The following PRTG variants were observed in gnomAD, a reference collection of about 807,000 sequenced individuals.
PRTG encodes immunoglobulin superfamily, DCC subclass, member 5.
PRTG carries 67 observed loss-of-function variants against 122.5 expected under a neutral mutation model. The observed-to-expected ratio is 0.55, with a 90% confidence interval of 0.45 to 0.67. The LOEUF (loss-of-function observed/expected upper bound fraction) is 0.67, where lower values mean the gene tolerates loss of function less well. PRTG is among the 30% of genes least tolerant of loss of function. The pLI, the probability that PRTG is intolerant of heterozygous loss-of-function variation, is 0.00. For missense variants in PRTG, 1,435 were observed against 1,415.4 expected (o/e 1.01, Z -0.22); for synonymous variants, 554 against 501.1 (o/e 1.11, Z -1.41).
In PRTG at chr15:55,709,863, G is replaced by A. The variant is rs540240707; in HGVS notation, c.398-25932C>T. Among the ~76,000 whole-genome samples the A allele has an allele frequency of 2.6e-5, 4 of 152,262 alleles. No individual in the cohort carries two copies. In the South Asian group the frequency reaches 6.2e-4, roughly 24 times the overall value. Reference sequence around the variant, plus strand: ...GTTGCCTGGCGATGGGGAGGAGGGAGGGACTCCAAAAACCATTAAGAAACT... The same window carrying A: ...GTTGCCTGGCGATGGGGAGGAGGGAAGGACTCCAAAAACCATTAAGAAACT... On this transcript the variant is annotated intron_variant, in intron 2 of 19. Coordinates refer to ENST00000389286, the MANE Select transcript of PRTG (RefSeq NM_173814.6).
At chr15:55,683,673 G>T in intron 3 of PRTG, 114 bp downstream of exon 3, 1 of 789,686 alleles carries the variant, frequency 1.3e-6, no homozygotes, top group Non-Finnish European at 2.0e-6. Flanking sequence ...TAAGCAATCA[G>T]TTATTACTGC....
intron 11 of PRTG, among the ~76,000 whole-genome samples, chr15:55,653,548 C>G (rs1240416959): frequency 2.0e-5 from 3 of 151,944 alleles, no homozygotes; most frequent in African/African-American, 7.3e-5. Context: ...ACTGCAACCT[C>G]TGCCTCCTGA....
At position 55,629,021 on chromosome 15, in the gene PRTG, T is replaced by C; in HGVS notation, c.2624-17A>G. ...TTATTGCCCCTAGAAATACATCAAT[T>C]ACAAATTAAGTGAACATTTATCTTT... On this transcript the variant is annotated splice_polypyrimidine_tract_variant and intron_variant, in intron 15 of 19. Coordinates refer to ENST00000389286, the MANE Select transcript of PRTG (RefSeq NM_173814.6). The C allele has an allele frequency of 8.4e-6, 13 of 1,550,616 alleles. No homozygotes were observed. Among genetic ancestry groups the C allele is most frequent in the Non-Finnish European group, 1.1e-5 (13 of 1,136,024 alleles).
chr15:55,637,291 G>A lies in PRTG; in HGVS notation c.2502C>T (p.Asp834=). The A allele has an allele frequency of 1.9e-6, 3 of 1,613,938 alleles. No homozygotes were observed. The highest frequency in any genetic ancestry group is 4.5e-5 in the East Asian group (2 of 44,856). Residue 834 remains aspartate (D), a synonymous_variant, in exon 15 of 20, where the codon GAC becomes GAT. Coordinates refer to ENST00000389286, the MANE Select transcript of PRTG (RefSeq NM_173814.6). ...VGVKVTLIED[D]TALVSWKPPD... Reference sequence around the variant, plus strand: ...GGGGTTTCCAAGAAACCAGGGCAGTGTCATCCTCTATTAATGTCACTTTTA... The same window carrying A: ...GGGGTTTCCAAGAAACCAGGGCAGTATCATCCTCTATTAATGTCACTTTTA...
chr15:55,692,735 G>A (rs2059610656), intron 2 of PRTG, among the ~76,000 whole-genome samples: 1 of 150,020 alleles, frequency 6.7e-6, no homozygotes, highest in Admixed American at 6.6e-5. Context: ...TGGCTCATAC[G>A]TAAGGCTATC....
chr15:55,639,149 T>A (rs78636167), intron 13 of PRTG, among the ~76,000 whole-genome samples: 1,951 of 152,182 alleles, frequency 0.013, 48 homozygotes, highest in African/African-American at 0.041. Context: ...TATAAAAAAA[T>A]ATTTTTGGAG....
At chr15:55,680,445 A>G in intron 5 of PRTG, 46 bp downstream of exon 5, 1 of 1,529,676 alleles carries the variant, frequency 6.5e-7, no homozygotes, top group Non-Finnish European at 8.8e-7. Flanking sequence ...TAGAATGAAC[A>G]AAATTTAAGG....
At chr15:55,626,480 A>T (rs2059195472) in intron 17 of PRTG, among the ~76,000 whole-genome samples, 1 of 151,660 alleles carries the variant, frequency 6.6e-6, no homozygotes, top group Non-Finnish European at 1.5e-5. Flanking sequence ...GCAGTGGCTG[A>T]TACCTGTAAT....
chr15:55,653,256 G>C (rs946892769), intron 11 of PRTG, among the ~76,000 whole-genome samples: 1 of 152,050 alleles, frequency 6.6e-6, no homozygotes, highest in South Asian at 2.1e-4. Context: ...AAGCTGACCA[G>C]TAGAGTACTT....
At chr15:55,723,141 C>A (rs2030893885) in intron 2 of PRTG, among the ~76,000 whole-genome samples, 2 of 152,086 alleles carry the variant, frequency 1.3e-5, no homozygotes, top group African/African-American at 4.8e-5. Context: ...TTGCGGCATG[C>A]CACAGAAGCA....
chr15:55,621,113 G>T (rs1242501989), intron 18 of PRTG, among the ~76,000 whole-genome samples: 1 of 152,204 alleles, frequency 6.6e-6, no homozygotes, highest in Non-Finnish European at 1.5e-5. Context: ...CAGCACTTTG[G>T]GAGGGCAAGG....
intron 11 of PRTG, chr15:55,656,280 G>T: frequency 2.2e-6 from 1 of 447,556 alleles, no homozygotes; most frequent in East Asian, 7.1e-5. Context: ...TCCAAGGATG[G>T]CATTTCCAGT....
At chr15:55,624,009 TAGTAAATATA>T (rs2059180624) in intron 18 of PRTG, among the ~76,000 whole-genome samples, 1 of 152,162 alleles carries the variant, frequency 6.6e-6, no homozygotes, top group African/African-American at 2.4e-5. Flanking sequence ...GTCCAAATTA[TAGTAAATATA>T]GACTAATGAC....
chr15:55,720,610 AG>A (rs1567114303), intron 2 of PRTG, among the ~76,000 whole-genome samples: 1 of 152,044 alleles, frequency 6.6e-6, no homozygotes, highest in Non-Finnish European at 1.5e-5. Flanking sequence ...TGGTTGTCCT[AG>A]GAGTTGATTC....
intron 2 of PRTG, among the ~76,000 whole-genome samples, chr15:55,718,103 TCTCACTATCC>T (rs1248628935): frequency 6.6e-6 from 1 of 152,014 alleles, no homozygotes; most frequent in Admixed American, 6.6e-5. Flanking sequence ...CTCCAACCTC[TCTCACTATCC>T]CTCAACCTCT....
chr15:55,629,375 A>ATATG (rs1374294067), intron 15 of PRTG, among the ~76,000 whole-genome samples: 114 of 47,904 alleles, frequency 2.4e-3, no homozygotes, highest in African/African-American at 3.1e-3. Context: ...ATATATATAT[A>ATATG]TGTGTGTGTG....
intron 2 of PRTG, among the ~76,000 whole-genome samples, chr15:55,729,252 T>A (rs2031147205): frequency 6.6e-6 from 1 of 152,234 alleles, no homozygotes; most frequent in African/African-American, 2.4e-5. Context: ...ATGCTAAGTG[T>A]AGGAAGACAA....
intron 2 of PRTG, among the ~76,000 whole-genome samples, chr15:55,722,920 C>G (rs2030882758): frequency 6.6e-6 from 1 of 152,144 alleles, no homozygotes. Flanking sequence ...AAGCTAGGAC[C>G]CTGGAATACG....
At chr15:55,659,748 C>A (rs921186819) in intron 11 of PRTG, among the ~76,000 whole-genome samples, 1 of 151,914 alleles carries the variant, frequency 6.6e-6, no homozygotes, top group African/African-American at 2.4e-5. Context: ...GGTGAAACCC[C>A]GTCTCTACTA....
Sources: allele counts gnomAD v4.1 joint callset (sites outside exome capture counted in the v4.1 genomes callset), GRCh38; gene constraint gnomAD v4.1.1; transcripts MANE v1.5; gene names NCBI Gene and HGNC (gene_info 2026-07-23, HGNC 2026-07-21).